Variants in AGPAT5 observed in about 807,000 individuals in gnomAD.
AGPAT5 encodes 1-acyl-sn-glycerol-3-phosphate acyltransferase epsilon.
AGPAT5 carries 46 observed loss-of-function variants against 45.6 expected under a neutral mutation model. That is an observed-to-expected ratio of 1.01 (90% CI 0.80 to 1.29). The LOEUF is 1.29. Ranked by LOEUF, AGPAT5 falls within the 50% of genes most tolerant of loss-of-function variation. The pLI, the probability that AGPAT5 is intolerant of heterozygous loss-of-function variation, is 0.00. For missense variants in AGPAT5, 673 were observed against 450.7 expected, an observed-to-expected ratio of 1.49 and a Z score of -4.47; for synonymous variants, 272 against 167.0, an observed-to-expected ratio of 1.63 and a Z score of -4.85.
intron 4 of AGPAT5, among the ~76,000 whole-genome samples, chr8:6,737,384 A>G (rs1358097310): frequency 2.0e-5 from 3 of 152,238 alleles, no homozygotes; most frequent in Non-Finnish European, 4.4e-5. Context: ...ACTAGTTCTC[A>G]TGAATCTATT....
At chr8:6,743,029 G>A (rs908937715) in intron 5 of AGPAT5, among the ~76,000 whole-genome samples, 5 of 152,284 alleles carry the variant, frequency 3.3e-5, no homozygotes, top group Middle Eastern at 3.4e-3. Context: ...TTTGTTGTAA[G>A]CACTTTTTCC....
chr8:6,737,426 G>A (rs1461006117), intron 4 of AGPAT5, among the ~76,000 whole-genome samples: 2 of 152,122 alleles, frequency 1.3e-5, no homozygotes, highest in Non-Finnish European at 2.9e-5. Flanking sequence ...TTCGGTATTA[G>A]TATTTAAGAA....
intron 1 of AGPAT5, among the ~76,000 whole-genome samples, chr8:6,711,619 G>C (rs1007975427): frequency 6.6e-6 from 1 of 152,202 alleles, no homozygotes; most frequent in African/African-American, 2.4e-5. Flanking sequence ...TGCCAAAACA[G>C]ATCACCTCAA....
At chr8:6,732,041 CCT>C (rs750888392) in intron 3 of AGPAT5, among the ~76,000 whole-genome samples, 25 of 152,162 alleles carry the variant, frequency 1.6e-4, no homozygotes, top group African/African-American at 5.6e-4. Context: ...CCTCTAAGTC[CCT>C]CTCTCTGAAT....
rs928463138 is a variant in AGPAT5 at position 6,760,572 on chromosome 8, T to C, written c.*3184T>C. ...AATAATTTTAACCTTAATTTGTTTT[T>C]AGTAGTGTTTAGATTGAAGATTGAG... On this transcript the variant is annotated 3_prime_UTR_variant, in exon 8 of 8. Transcript: ENST00000285518. Among the ~76,000 whole-genome samples the C allele has an allele frequency of 8.5e-5, 13 of 152,236 alleles. No individual in the cohort carries two copies. The highest frequency in any genetic ancestry group is 2.9e-4 in the African/African-American group (12 of 41,466).
At chr8:6,734,167 C>T (rs1158524345) in intron 4 of AGPAT5, among the ~76,000 whole-genome samples, 1 of 152,076 alleles carries the variant, frequency 6.6e-6, no homozygotes, top group Non-Finnish European at 1.5e-5. Context: ...AAATATTATT[C>T]CTACCCCAGT....
intron 1 of AGPAT5, among the ~76,000 whole-genome samples, chr8:6,716,495 A>G (rs1455969981): frequency 6.6e-6 from 1 of 152,002 alleles, no homozygotes; most frequent in African/African-American, 2.4e-5. Flanking sequence ...TGGGAGGTAG[A>G]GGCTCCAGCT....
chr8:6,748,478 A>G (rs934089186), intron 6 of AGPAT5, among the ~76,000 whole-genome samples: 1 of 152,044 alleles, frequency 6.6e-6, no homozygotes, highest in South Asian at 2.1e-4. Context: ...TTGAGAGAGA[A>G]CACTAGGCTT....
intron 1 of AGPAT5, among the ~76,000 whole-genome samples, chr8:6,723,787 TTA>T (rs1476813000): frequency 6.6e-6 from 1 of 152,224 alleles, no homozygotes; most frequent in Non-Finnish European, 1.5e-5. Flanking sequence ...TTCCAGAACT[TTA>T]TGTTATCTAA....
chr8:6,733,782 T>A (rs1206900707), intron 4 of AGPAT5, among the ~76,000 whole-genome samples: 3 of 152,232 alleles, frequency 2.0e-5, no homozygotes, highest in African/African-American at 7.2e-5. Flanking sequence ...AGCTGTCCAG[T>A]CACCCCAGCA....
chr8:6,709,630 T>G (rs1800076743), intron 1 of AGPAT5: 1 of 152,206 alleles, frequency 6.6e-6, no homozygotes, highest in African/African-American at 2.4e-5. Context: ...TTCTTGGTTA[T>G]TCCTAATGTC....
intron 1 of AGPAT5, among the ~76,000 whole-genome samples, chr8:6,709,734 C>T (rs1442126492): frequency 6.6e-6 from 1 of 151,590 alleles, no homozygotes; most frequent in Non-Finnish European, 1.5e-5. Flanking sequence ...TTTTTTTCCA[C>T]CTACAGCAGC....
At chr8:6,709,649 C>T (rs1351244505) in intron 1 of AGPAT5, 3 of 151,502 alleles carry the variant, frequency 2.0e-5, no homozygotes, top group African/African-American at 7.3e-5. Context: ...TCCACCTAGT[C>T]CTCTTTTACT....
At chr8:6,709,724 T>G (rs1800082614) in intron 1 of AGPAT5, among the ~76,000 whole-genome samples, 1 of 152,176 alleles carries the variant, frequency 6.6e-6, no homozygotes, top group Non-Finnish European at 1.5e-5. Context: ...TTTAACTTTT[T>G]TTTTTTCCAC....
chr8:6,723,475 C>G (rs917366182), intron 1 of AGPAT5, among the ~76,000 whole-genome samples: 3 of 152,170 alleles, frequency 2.0e-5, no homozygotes, highest in Non-Finnish European at 4.4e-5. Context: ...CCACCTCAGC[C>G]TCCCCAAAGC....
At chr8:6,751,744 TTGTAA>T (rs1444918926) in intron 6 of AGPAT5, among the ~76,000 whole-genome samples, 4 of 152,340 alleles carry the variant, frequency 2.6e-5, no homozygotes, top group Non-Finnish European at 4.4e-5. Context: ...GAAGTGGCTG[TTGTAA>T]TGTAATAAAT....
chr8:6,734,108 A>T (rs1800960849), intron 4 of AGPAT5, among the ~76,000 whole-genome samples: 1 of 152,070 alleles, frequency 6.6e-6, no homozygotes, highest in South Asian at 2.1e-4. Flanking sequence ...TGGATCTATG[A>T]TTTGGTGTCT....
chr8:6,716,714 T>C (rs1367700693), intron 1 of AGPAT5, among the ~76,000 whole-genome samples: 1 of 152,020 alleles, frequency 6.6e-6, no homozygotes, highest in Admixed American at 6.6e-5. Flanking sequence ...CTGCCTGTAA[T>C]CTCAGCTACA....
intron 2 of AGPAT5, among the ~76,000 whole-genome samples, chr8:6,729,730 T>G (rs1300571567): frequency 6.6e-6 from 1 of 152,256 alleles, no homozygotes; most frequent in African/African-American, 2.4e-5. Flanking sequence ...GGAAATTTTT[T>G]CTTTTTGAAA....
Sources: allele counts gnomAD v4.1 joint callset (sites outside exome capture counted in the v4.1 genomes callset), GRCh38; gene constraint gnomAD v4.1.1; transcripts MANE v1.5; gene names NCBI Gene and HGNC (gene_info 2026-07-23, HGNC 2026-07-21).